The following TRPM4 variants were observed in gnomAD, a reference collection of about 807,000 sequenced individuals.
The protein encoded by TRPM4 is transient receptor potential cation channel subfamily M member 4, also known as calcium-activated non-selective cation channel 1.
Under a neutral mutation model 135.6 loss-of-function variants are expected in TRPM4, and 124 were observed. The ratio of observed to expected loss-of-function variants is 0.91; its 90% CI spans 0.79 to 1.06. The LOEUF (loss-of-function observed/expected upper bound fraction) is 1.06. TRPM4 is among the 50% of genes least tolerant of loss of function. The pLI is 0.00. For missense variants in TRPM4, 1,658 were observed against 1,671.4 expected, an observed-to-expected ratio of 0.99 and a Z score of 0.14; for synonymous variants, 745 against 705.6, an observed-to-expected ratio of 1.06 and a Z score of -0.88.
intron 3 of TRPM4, among the ~76,000 whole-genome samples, chr19:49,166,665 C>T (rs954934950): frequency 1.3e-5 from 2 of 148,240 alleles, no homozygotes; most frequent in African/African-American, 5.0e-5. Context: ...TCTCTGTTTC[C>T]CCTTTTCTGT....
intron 17 of TRPM4, among the ~76,000 whole-genome samples, chr19:49,197,329 T>TTTCTTTCTTTCTTTCC (rs1968710810): frequency 7.8e-6 from 1 of 128,654 alleles, no homozygotes; most frequent in East Asian, 2.0e-4. Flanking sequence ...TCTTTCTTTC[T>TTTCTTTCTTTCTTTCC]TTCTTTCTTT....
intron 9 of TRPM4, among the ~76,000 whole-genome samples, chr19:49,181,007 C>T (rs1967899118): frequency 6.6e-6 from 1 of 152,080 alleles, no homozygotes; most frequent in Admixed American, 6.6e-5. Context: ...ACATATTTCC[C>T]CCAATAGAAC....
chr19:49,207,136 T>C (rs1358471838), intron 20 of TRPM4, among the ~76,000 whole-genome samples: 2 of 152,156 alleles, frequency 1.3e-5, no homozygotes, highest in Non-Finnish European at 2.9e-5. Flanking sequence ...TGCCTTTTAT[T>C]TTTTTTCTTG....
At chr19:49,188,496 T>G in intron 12 of TRPM4, 145 bp from the exon 13 acceptor site, 1 of 1,190,364 alleles carries the variant, frequency 8.4e-7, no homozygotes, top group South Asian at 1.3e-5. Flanking sequence ...TTCTTCCAGA[T>G]CCATCTCCAA....
intron 12 of TRPM4, among the ~76,000 whole-genome samples, chr19:49,184,774 C>T (rs779025872): frequency 1.1e-4 from 16 of 151,462 alleles, no homozygotes; most frequent in Non-Finnish European, 2.1e-4. Context: ...CCACTGCGCC[C>T]GGCCTCTGTA....
intron 9 of TRPM4, among the ~76,000 whole-genome samples, chr19:49,175,154 C>T (rs1967635361): frequency 6.7e-6 from 1 of 149,160 alleles, no homozygotes; most frequent in African/African-American, 2.5e-5. Flanking sequence ...CAGCTCACTG[C>T]AACCTCCGCC....
intron 6 of TRPM4, among the ~76,000 whole-genome samples, chr19:49,169,805 G>A (rs1967384745): frequency 6.6e-6 from 1 of 151,960 alleles, no homozygotes; most frequent in Non-Finnish European, 1.5e-5. Context: ...TGGTCCACCT[G>A]CCTCAGCCTC....
At chr19:49,178,195 C>T (rs1967774784) in intron 9 of TRPM4, among the ~76,000 whole-genome samples, 2 of 152,070 alleles carry the variant, frequency 1.3e-5, no homozygotes, top group Admixed American at 6.6e-5. Context: ...TGGTACTGTG[C>T]GCCTGTAGTC....
In TRPM4 at chr19:49,210,469, G is replaced by T. The variant is rs1376965154; in HGVS notation, c.3328+64G>T. Reference sequence around the variant, plus strand: ...GGACCGGGAGCCTGGAAGGCGAGGGGAAGGGGGCATGCCCCAAATGACTAA... The same window carrying T: ...GGACCGGGAGCCTGGAAGGCGAGGGTAAGGGGGCATGCCCCAAATGACTAA... On this transcript the variant is annotated intron_variant, in intron 21 of 24. Coordinates refer to ENST00000252826, the MANE Select transcript of TRPM4 (RefSeq NM_017636.4). The surrounding 1 kb of genome is among the most constrained non-coding windows in gnomAD (Gnocchi z 4.1). 3.2e-6 allele frequency: 5 copies of T among 1,575,466 alleles called. No individual in the cohort carries two copies. The South Asian group carries it at 3.3e-5, about 11-fold the overall frequency.
intron 9 of TRPM4, among the ~76,000 whole-genome samples, chr19:49,175,496 A>ACGGCGCCCGGCCTCTTTTTTTTT (rs1177307240): frequency 6.6e-6 from 1 of 152,010 alleles, no homozygotes; most frequent in Non-Finnish European, 1.5e-5. Context: ...GGCGTGAGCC[A>ACGGCGCCCGGCCTCTTTTTTTTT]TTGTGCTTAG....
Position 49,200,790 on chromosome 19 carries a change from G to A in TRPM4, c.2953+5G>A, listed in dbSNP as rs200998908. 6 of 1,613,686 alleles carry A rather than the reference G, an allele frequency of 3.7e-6. No homozygotes were observed. The highest frequency in any genetic ancestry group is 1.7e-5 in the Admixed American group (1 of 59,998). On this transcript the variant is annotated splice_donor_5th_base_variant and intron_variant, in intron 19 of 24. Coordinates refer to ENST00000252826, the MANE Select transcript of TRPM4 (RefSeq NM_017636.4). Reference sequence around the variant, plus strand: ...TTCCCCAGGAGGACATGGACGGTAGGGGGGATGACGGCCTGACAGCCTTCC... The same window carrying A: ...TTCCCCAGGAGGACATGGACGGTAGAGGGGATGACGGCCTGACAGCCTTCC...
At position 49,168,726 on chromosome 19, in the gene TRPM4, G is replaced by T. The variant is rs759568404; in HGVS notation, c.786G>T (p.Thr262=). Reference sequence around the variant, plus strand: ...AGTCCTACATCTCACAGCAGAAGACGGGCGTGGGAGGTGAGTGGTCGAACC... The same window carrying T: ...AGTCCTACATCTCACAGCAGAAGACTGGCGTGGGAGGTGAGTGGTCGAACC... The part of the protein sequence containing the change: ...RLESYISQQK[T]GVGGTGIDIP... The change falls in exon 6 of 25, where the codon ACG becomes ACT. Residue 262 remains threonine (T), a synonymous_variant. Coordinates refer to ENST00000252826, the MANE Select transcript of TRPM4 (RefSeq NM_017636.4). 7 of 1,588,684 alleles carry T rather than the reference G, an allele frequency of 4.4e-6. No individual in the cohort carries two copies. The East Asian group carries it at 1.4e-4, about 31-fold the overall frequency.
At position 49,171,309 on chromosome 19, in the gene TRPM4, G is replaced by C; in HGVS notation, c.797-48G>C. On this transcript the variant is annotated intron_variant, in intron 6 of 24. Transcript: ENST00000252826. This position sits in a 1 kb window ranked among gnomAD's most constrained non-coding sequence, Gnocchi z 4.7. Reference sequence around the variant, plus strand: ...GAAATGCGGTTTTCTCCTATCTCCAGCAAAGGCTGATGGGAGGTAATCAAG... The same window carrying C: ...GAAATGCGGTTTTCTCCTATCTCCACCAAAGGCTGATGGGAGGTAATCAAG... 1 of 1,609,172 alleles carries C rather than the reference G, an allele frequency of 6.2e-7. No individual in the cohort carries two copies. The highest frequency in any genetic ancestry group is 8.5e-7 in the Non-Finnish European group (1 of 1,175,446).
chr19:49,182,205 T>TACCTATCCATTCATCCATCCATCC (rs1437127614), intron 10 of TRPM4, among the ~76,000 whole-genome samples: 2 of 63,244 alleles, frequency 3.2e-5, no homozygotes, highest in Non-Finnish European at 6.5e-5. Context: ...TCCATCCATC[T>TACCTATCCATTCATCCATCCATCC]ACCTATCCAT....
intron 20 of TRPM4, among the ~76,000 whole-genome samples, chr19:49,208,027 AGG>A (rs1227863217): frequency 6.6e-6 from 1 of 152,150 alleles, no homozygotes; most frequent in Admixed American, 6.5e-5. Flanking sequence ...TCCACTGGAC[AGG>A]GGCCCTTCCC....
rs1238771404 is a variant in TRPM4, at chr19:49,182,900, C to A, written c.1586C>A (p.Pro529Gln). 6 of 1,597,432 alleles carry A rather than the reference C, an allele frequency of 3.8e-6. No homozygotes were observed. Among genetic ancestry groups the A allele is most frequent in the Non-Finnish European group, 5.1e-6 (6 of 1,171,916 alleles). The change falls in exon 11 of 25, where the codon CCA (proline) becomes CAA (glutamine). Residue 529 changes from proline (P) to glutamine (Q), a missense_variant. Coordinates refer to ENST00000252826, the MANE Select transcript of TRPM4 (RefSeq NM_017636.4). ...YPSGGAWDPHPGQGFGESMYL... is the reference protein window; with the variant it reads ...YPSGGAWDPHQGQGFGESMYL... ...TCCGGGGGCGCCTGGGACCCTCACC[C>A]AGGCCAGGGCTTCGGGGAGAGCGTA...
At chr19:49,158,307 G>A (rs199965970) in intron 2 of TRPM4, 48 bp downstream of exon 2, 2 of 1,574,866 alleles carry the variant, frequency 1.3e-6, no homozygotes, top group Non-Finnish European at 1.7e-6. Flanking sequence ...GCGGCCCGCT[G>A]ACCCCGCCCG....
At chr19:49,184,790 T>C (rs916832222) in intron 12 of TRPM4, among the ~76,000 whole-genome samples, 17 of 151,784 alleles carry the variant, frequency 1.1e-4, no homozygotes, top group Non-Finnish European at 1.9e-4. Flanking sequence ...CTGTAGTCTG[T>C]CTTTTTTTTT....
chr19:49,181,397 C>T lies in TRPM4; in HGVS notation c.1199C>T (p.Ala400Val). 6.2e-7 allele frequency: 1 copy of T among 1,613,960 alleles called. No homozygotes were observed. Among genetic ancestry groups the T allele is most frequent in the South Asian group, 1.1e-5 (1 of 91,080 alleles). Residue 400 changes from alanine to valine, a missense_variant, in exon 10 of 25, where the codon GCT becomes GTT. Ala to Val is a moderately conservative substitution (Grantham distance 64). Around this residue, in one of 3 missense-constraint regions of TRPM4, gnomAD observed 1,412 missense variants for 1,408.7 expected, o/e 1.00. Transcript: ENST00000252826. ...GCCTACCTGGATGAGCTGCGTTTGGCTGTGGCTTGGAACCGCGTGGACATT... is the reference window on the plus strand; with the variant it reads ...GCCTACCTGGATGAGCTGCGTTTGGTTGTGGCTTGGAACCGCGTGGACATT... Reference protein sequence around the residue: ...ASAYLDELRLAVAWNRVDIAQ... With the variant: ...ASAYLDELRLVVAWNRVDIAQ...
Sources: allele counts gnomAD v4.1 joint callset (sites outside exome capture counted in the v4.1 genomes callset), GRCh38; gene constraint gnomAD v4.1.1; regional missense constraint gnomAD v4.1.1; non-coding constraint Gnocchi (gnomAD v3.1); transcripts MANE v1.5; gene names NCBI Gene and HGNC (gene_info 2026-07-23, HGNC 2026-07-21).